Variants in ANAPC13 observed in about 807,000 individuals in gnomAD.
The protein encoded by ANAPC13 is anaphase promoting complex subunit 13.
Under a neutral mutation model 9.6 loss-of-function variants are expected in ANAPC13, and 9 were observed. The ratio of observed to expected loss-of-function variants is 0.94; its 90% CI spans 0.57 to 1.64. The LOEUF (loss-of-function observed/expected upper bound fraction) is 1.64, where lower values mean the gene tolerates loss of function less well. Ranked by LOEUF, ANAPC13 falls within the 40% of genes most tolerant of loss-of-function variation. The pLI, the probability that ANAPC13 is intolerant of heterozygous loss-of-function variation, is 0.00. For missense variants in ANAPC13, 75 were observed against 85.3 expected (o/e 0.88, Z 0.48); for synonymous variants, 30 against 29.7 (o/e 1.01, Z -0.03).
chr3:134,478,388 T>A lies in ANAPC13; in HGVS notation c.*202A>T. 4.6e-6 allele frequency: 3 copies of A among 651,236 alleles called. No individual in the cohort carries two copies. The highest frequency in any genetic ancestry group is 7.7e-6 in the Non-Finnish European group (3 of 391,388). 40.3% of individuals were successfully genotyped at this position (651,236 alleles called of 1,614,324 possible). On this transcript the variant is annotated 3_prime_UTR_variant, in exon 3 of 3. Coordinates refer to ENST00000354910, the MANE Select transcript of ANAPC13 (RefSeq NM_015391.4). ...AAGCTACTCAATGAAGAGTTTTAGG[T>A]TTAAAGAGCGAAATATTCACCATTA...
chr3:134,479,549 A>G (rs565095412), intron 2 of ANAPC13, among the ~76,000 whole-genome samples: 3 of 151,914 alleles, frequency 2.0e-5, no homozygotes, highest in Non-Finnish European at 2.9e-5. Flanking sequence ...GGGTTTCTCT[A>G]TGTTGGTCAG....
upstream of ANAPC13, chr3:134,486,020 C>T (rs1331943663): frequency 4.2e-6 from 4 of 946,664 alleles, no homozygotes; most frequent in South Asian, 4.9e-5. Context: ...CATCACGTGT[C>T]TGCACTCGCT....
chr3:134,478,460 C>A lies in ANAPC13; in HGVS notation c.*130G>T. On this transcript the variant is annotated 3_prime_UTR_variant, in exon 3 of 3. Coordinates refer to ENST00000354910, the MANE Select transcript of ANAPC13 (RefSeq NM_015391.4). ...TTCAATTTCGCATTGCACTTTGCTA[C>A]CACAAACTAAATGGGTGTACATTTT... The A allele has an allele frequency of 3.2e-6, 4 of 1,252,242 alleles. No homozygotes were observed. Among genetic ancestry groups the A allele is most frequent in the Non-Finnish European group, 4.4e-6 (4 of 909,088 alleles). 77.6% of individuals were successfully genotyped at this position (1,252,242 alleles called of 1,614,324 possible). A position where few individuals can be genotyped will look rare whatever the true frequency, so the allele number is the denominator to read the frequency against.
At chr3:134,479,631 G>A (rs569910680) in intron 2 of ANAPC13, among the ~76,000 whole-genome samples, 5 of 152,192 alleles carry the variant, frequency 3.3e-5, no homozygotes, top group East Asian at 1.9e-4. Flanking sequence ...TTACAGGCGC[G>A]AGCCACCGCG....
At position 134,478,589 on chromosome 3, in the gene ANAPC13, G is replaced by T. The variant is rs114533137; in HGVS notation, c.*1C>A. 2 of 1,611,994 alleles carry T rather than the reference G, an allele frequency of 1.2e-6. No homozygotes were observed. The highest frequency in any genetic ancestry group is 2.7e-5 in the African/African-American group (2 of 74,764). On this transcript the variant is annotated 3_prime_UTR_variant, in exon 3 of 3. Coordinates refer to ENST00000354910, the MANE Select transcript of ANAPC13 (RefSeq NM_015391.4). Reference sequence around the variant, plus strand: ...TCCATCCACAAGAAAGGAGCCAAGCGTCAGTTTCCAATGGGGGGAACATTC... The same window carrying T: ...TCCATCCACAAGAAAGGAGCCAAGCTTCAGTTTCCAATGGGGGGAACATTC...
At chr3:134,478,805 C>G in intron 2 of ANAPC13, 90 bp from the exon 3 acceptor site, 1 of 1,444,880 alleles carries the variant, frequency 6.9e-7, no homozygotes, top group South Asian at 1.2e-5. Flanking sequence ...TTGTGAGTTC[C>G]TAGGAACAGG....
At chr3:134,486,005 C>T, upstream of ANAPC13, 2 of 985,012 alleles carry the variant, frequency 2.0e-6, no homozygotes, top group Non-Finnish European at 2.4e-6. Context: ...CCCCCCCCTC[C>T]CCCGCATCAC....
Position 134,477,743 on chromosome 3 carries a change from CAG to C in ANAPC13, c.*845_*846del, listed in dbSNP as rs1458583530. The C allele has an allele frequency of 6.6e-6, 1 of 152,162 alleles. No individual in the cohort carries two copies. Among genetic ancestry groups the C allele is most frequent in the Non-Finnish European group, 1.5e-5 (1 of 68,032 alleles). 9.4% of individuals were successfully genotyped at this position (152,162 alleles called of 1,614,324 possible). A position where few individuals can be genotyped will look rare whatever the true frequency, so the allele number is the denominator to read the frequency against. On this transcript the variant is annotated 3_prime_UTR_variant, in exon 3 of 3. Coordinates refer to ENST00000354910, the MANE Select transcript of ANAPC13 (RefSeq NM_015391.4). ...AGAGATTTTAGTTATTCAGTGTTTT[CAG>C]AGTTTCAACAAGGGATACAGATACA...
intron 2 of ANAPC13, among the ~76,000 whole-genome samples, chr3:134,479,360 G>T (rs538937993): frequency 2.6e-4 from 40 of 151,542 alleles, no homozygotes; most frequent in Non-Finnish European, 4.1e-4. Context: ...TTTTTGAGAT[G>T]GAGTTTTGCT....
At chr3:134,479,410 TCAC>T (rs1433505727) in intron 2 of ANAPC13, among the ~76,000 whole-genome samples, 1 of 152,144 alleles carries the variant, frequency 6.6e-6, no homozygotes. Flanking sequence ...TGATCTCGGC[TCAC>T]CACAACCTCT....
At chr3:134,479,238 C>G (rs1934680207) in intron 2 of ANAPC13, among the ~76,000 whole-genome samples, 1 of 152,176 alleles carries the variant, frequency 6.6e-6, no homozygotes, top group Non-Finnish European at 1.5e-5. Flanking sequence ...ATGAGTGAAT[C>G]CTAAATCTTC....
At chr3:134,485,752 C>T (rs923445162) in intron 1 of ANAPC13, 200 bp downstream of exon 1, 5 of 156,428 alleles carry the variant, frequency 3.2e-5, no homozygotes, top group African/African-American at 1.2e-4. Context: ...GCAGGATGTA[C>T]CAAACGTGGA....
Position 134,477,820 on chromosome 3 carries a change from T to G in ANAPC13, c.*770A>C, listed in dbSNP as rs1045833257. The G allele has an allele frequency of 1.3e-5, 2 of 152,236 alleles. No homozygotes were observed. The highest frequency in any genetic ancestry group is 2.4e-5 in the African/African-American group (1 of 41,468). The allele number at this position is 152,236 out of a possible 1,614,324, so 9.4% of individuals were successfully genotyped here. On this transcript the variant is annotated 3_prime_UTR_variant, in exon 3 of 3. Coordinates refer to ENST00000354910, the MANE Select transcript of ANAPC13 (RefSeq NM_015391.4). The stretch of plus-strand genomic sequence containing the variant: ...TCTGGGGAGAGAACATGAAAGACAC[T>G]GTTTAACAGGCAAATAATTCCAGGA...
At chr3:134,482,107 T>C (rs1267817053) in intron 2 of ANAPC13, among the ~76,000 whole-genome samples, 1 of 152,228 alleles carries the variant, frequency 6.6e-6, no homozygotes, top group African/African-American at 2.4e-5. Flanking sequence ...AACTATAAAT[T>C]ATATTTTATT....
At chr3:134,484,866 T>C (rs1291445744) in intron 1 of ANAPC13, among the ~76,000 whole-genome samples, 1 of 152,238 alleles carries the variant, frequency 6.6e-6, no homozygotes, top group Non-Finnish European at 1.5e-5. Flanking sequence ...GAACTCTTGC[T>C]TCTTGTCCTA....
chr3:134,482,578 C>G (rs1429121545), intron 2 of ANAPC13, among the ~76,000 whole-genome samples: 3 of 152,198 alleles, frequency 2.0e-5, no homozygotes, highest in Non-Finnish European at 4.4e-5. Flanking sequence ...AATCGGGGCT[C>G]TAGTCCTGGC....
intron 1 of ANAPC13, 76 bp from the exon 2 acceptor site, chr3:134,483,007 CTTTT>C: frequency 9.8e-7 from 1 of 1,021,764 alleles, no homozygotes. Flanking sequence ...ATTCTCCAGG[CTTTT>C]TAGTCTGGGG....
At position 134,478,571 on chromosome 3, in the gene ANAPC13, A is replaced by G. The variant is rs754808129; in HGVS notation, c.*19T>C. 4 of 1,608,290 alleles carry G rather than the reference A, an allele frequency of 2.5e-6. No homozygotes were observed. The highest frequency in any genetic ancestry group is 3.4e-6 in the Non-Finnish European group (4 of 1,178,142). On this transcript the variant is annotated 3_prime_UTR_variant, in exon 3 of 3. Coordinates refer to ENST00000354910, the MANE Select transcript of ANAPC13 (RefSeq NM_015391.4). ...CTGTGTACTTTGAGAAAATCCATCCACAAGAAAGGAGCCAAGCGTCAGTTT... is the reference window on the plus strand; with the variant it reads ...CTGTGTACTTTGAGAAAATCCATCCGCAAGAAAGGAGCCAAGCGTCAGTTT...
In ANAPC13 at chr3:134,478,663, T is replaced by C. The variant is rs923410147; in HGVS notation, c.152A>G (p.Lys51Arg). ...QDNGGTTESV[K>R]EQEMKWTDLA... ...GTCTGTCCACTTCATTTCTTGTTCT[T>C]TGACAGATTCTGTGGTGCCACCATT... Residue 51 changes from lysine (K) to arginine (R), a missense_variant, in exon 3 of 3, where the codon AAA becomes AGA. Transcript: ENST00000354910. 6.8e-6 allele frequency: 11 copies of C among 1,614,198 alleles called. No homozygotes were observed. The highest frequency in any genetic ancestry group is 9.3e-6 in the Non-Finnish European group (11 of 1,180,012).
Sources: allele counts gnomAD v4.1 joint callset (sites outside exome capture counted in the v4.1 genomes callset), GRCh38; gene constraint gnomAD v4.1.1; transcripts MANE v1.5; gene names NCBI Gene and HGNC (gene_info 2026-07-23, HGNC 2026-07-21).